The following RBFOX1 variants were observed in gnomAD, a reference collection of about 807,000 sequenced individuals.
The protein encoded by RBFOX1 is RNA binding fox-1 homolog 1, also known as RNA binding protein fox-1 homolog 1.
RBFOX1 carries 8 observed loss-of-function variants against 57.7 expected under a neutral mutation model. The ratio of observed to expected loss-of-function variants is 0.14; its 90% CI spans 0.08 to 0.25. The LOEUF (loss-of-function observed/expected upper bound fraction) is 0.25. Among genes scored for constraint, RBFOX1 ranks in the 10% least tolerant of loss-of-function variants. RBFOX1 has a pLI of 1.00. For missense variants in RBFOX1, 611 were observed against 548.5 expected (o/e 1.11, Z -1.14); for synonymous variants, 326 against 222.4 (o/e 1.47, Z -4.15).
intron 4 of RBFOX1, among the ~76,000 whole-genome samples, chr16:7,291,115 C>T (rs540354786): frequency 6.6e-6 from 1 of 152,044 alleles, no homozygotes; most frequent in Non-Finnish European, 1.5e-5. Context: ...TGATTATAGC[C>T]CTAGGTTCAA....
chr16:7,539,405 C>T (rs1601309628), intron 5 of RBFOX1, among the ~76,000 whole-genome samples: 1 of 152,130 alleles, frequency 6.6e-6, no homozygotes, highest in South Asian at 2.1e-4. Flanking sequence ...GTGCAGCTTC[C>T]TCACCACTCC....
intron 4 of RBFOX1, among the ~76,000 whole-genome samples, chr16:7,448,645 G>A (rs1396822072): frequency 5.3e-5 from 8 of 152,152 alleles, no homozygotes; most frequent in African/African-American, 1.9e-4. Flanking sequence ...CAGCATAACT[G>A]TAGCAAAGGA....
chr16:7,444,098 G>A (rs1015077289), intron 4 of RBFOX1, among the ~76,000 whole-genome samples: 1 of 152,202 alleles, frequency 6.6e-6, no homozygotes, highest in South Asian at 2.1e-4. Flanking sequence ...CAAAACTCTT[G>A]ATGAATCACG....
chr16:5,997,326 A>C (rs1455185876), intron 4 of RBFOX1, among the ~76,000 whole-genome samples: 2 of 152,204 alleles, frequency 1.3e-5, no homozygotes, highest in African/African-American at 2.4e-5. Flanking sequence ...TGGATTATTT[A>C]ATTGTATTCT....
intron 2 of RBFOX1, among the ~76,000 whole-genome samples, chr16:6,528,700 A>T (rs1486670137): frequency 6.6e-6 from 1 of 151,868 alleles, no homozygotes; most frequent in Non-Finnish European, 1.5e-5. Context: ...TTTCTCAACC[A>T]CTCCAGTATT....
At chr16:7,360,455 G>A (rs1370436308) in intron 4 of RBFOX1, among the ~76,000 whole-genome samples, 1 of 152,154 alleles carries the variant, frequency 6.6e-6, no homozygotes, top group Non-Finnish European at 1.5e-5. Flanking sequence ...GCGAGAATGG[G>A]AGAAGCCTTT....
intron 2 of RBFOX1, among the ~76,000 whole-genome samples, chr16:6,518,802 T>TCTATCTATC (rs2096440589): frequency 1.4e-5 from 1 of 71,642 alleles, no homozygotes; most frequent in Admixed American, 1.5e-4. Flanking sequence ...TGTCTGTCTA[T>TCTATCTATC]CTATCTATCT....
chr16:7,396,624 A>T lies in RBFOX1; in HGVS notation c.28-121523A>T, dbSNP rs79019956. Among the ~76,000 whole-genome samples the T allele has an allele frequency of 6.7e-3, 1,023 of 152,302 alleles. 11 individuals are homozygous for T. Among genetic ancestry groups the T allele is most frequent in the African/African-American group, 0.022 (927 of 41,572 alleles). ...ACCTTTCCTTGGTTCTGTCAATGGA[A>T]ATAAGGACAACACTTCTCAAAACAC... On this transcript the variant is annotated intron_variant, in intron 4 of 15. Transcript: ENST00000550418.
chr16:6,614,245 C>G (rs528295945), intron 2 of RBFOX1, among the ~76,000 whole-genome samples: 1 of 152,204 alleles, frequency 6.6e-6, no homozygotes, highest in Non-Finnish European at 1.5e-5. Flanking sequence ...GTAAGGATGT[C>G]TGAAATGGAC....
chr16:6,336,475 C>A (rs1362602757), intron 2 of RBFOX1, among the ~76,000 whole-genome samples: 1 of 151,954 alleles, frequency 6.6e-6, no homozygotes, highest in African/African-American at 2.4e-5. Flanking sequence ...AATGTCAGAG[C>A]TAGCTTTGAA....
rs141327524 is a variant in RBFOX1 at position 6,244,744 on chromosome 16, G to A, written c.-126-72251G>A. Among the ~76,000 whole-genome samples the A allele has an allele frequency of 9.3e-4, 142 of 152,192 alleles. 1 individual carries two copies. Among genetic ancestry groups the A allele is most frequent in the Middle Eastern group, 3.4e-3 (1 of 294 alleles). ...AGGCTGGTCTTGAACTCCTGACCTCGTGATCCACCTTCCTTGACCTCCCAA... is the reference window on the plus strand; with the variant it reads ...AGGCTGGTCTTGAACTCCTGACCTCATGATCCACCTTCCTTGACCTCCCAA... On this transcript the variant is annotated intron_variant, in intron 1 of 15. Transcript: ENST00000550418.
At chr16:6,468,954 C>G (rs932411464) in intron 2 of RBFOX1, among the ~76,000 whole-genome samples, 6 of 152,038 alleles carry the variant, frequency 3.9e-5, no homozygotes, top group African/African-American at 1.4e-4. Flanking sequence ...ACCCTCCACC[C>G]TCAGATAGGG....
chr16:7,500,513 C>T (rs192047354), intron 4 of RBFOX1, among the ~76,000 whole-genome samples: 32 of 152,296 alleles, frequency 2.1e-4, no homozygotes, highest in African/African-American at 7.2e-4. Flanking sequence ...AGATATGCAT[C>T]ATGCATCTAA....
chr16:5,433,101 C>T (rs1401944663), intron 1 of RBFOX1, among the ~76,000 whole-genome samples: 1 of 152,144 alleles, frequency 6.6e-6, no homozygotes, highest in Admixed American at 6.5e-5. Flanking sequence ...AGACAACAAC[C>T]CTGAGCTTCC....
chr16:7,508,575 T>C (rs1339945309), intron 4 of RBFOX1, among the ~76,000 whole-genome samples: 1 of 152,122 alleles, frequency 6.6e-6, no homozygotes, highest in Non-Finnish European at 1.5e-5. Context: ...TAACTCTCAC[T>C]CTGTGATGCA....
chr16:5,663,963 T>G (rs2049746892), intron 3 of RBFOX1, among the ~76,000 whole-genome samples: 1 of 152,102 alleles, frequency 6.6e-6, no homozygotes, highest in Admixed American at 6.5e-5. Context: ...GCACTCGAGA[T>G]ATTCCGGCCA....
At chr16:5,758,211 T>G (rs1777185836) in intron 3 of RBFOX1, among the ~76,000 whole-genome samples, 1 of 152,260 alleles carries the variant, frequency 6.6e-6, no homozygotes. Context: ...ATGATGCTAT[T>G]AATCCTACAT....
intron 4 of RBFOX1, among the ~76,000 whole-genome samples, chr16:7,067,851 C>G (rs2056463452): frequency 6.6e-6 from 1 of 151,660 alleles, no homozygotes; most frequent in African/African-American, 2.4e-5. Flanking sequence ...CATGTCCCTA[C>G]AAAGGACATG....
chr16:6,974,336 C>CTTTTTTTTTTTTTTTTTTTT (rs59299498), intron 3 of RBFOX1, among the ~76,000 whole-genome samples: 1 of 58,664 alleles, frequency 1.7e-5, no homozygotes, highest in Non-Finnish European at 3.1e-5. Flanking sequence ...TTTTCTTTTT[C>CTTTTTTTTTTTTTTTTTTTT]TTTTTTTTTT....
Sources: gnomAD v4.1 joint callset for allele counts (sites outside exome capture counted in the v4.1 genomes callset) on GRCh38, gnomAD v4.1.1 for gene constraint, MANE v1.5 for transcripts, NCBI Gene and HGNC (gene_info 2026-07-23, HGNC 2026-07-21) for gene names.